Variants in DRC11 observed in about 807,000 individuals in gnomAD.
The protein encoded by DRC11 is IQ and AAA domain-containing protein 1.
the DRC11 span, among the ~76,000 whole-genome samples, chr2:236,471,399 C>T: frequency 2.6e-5 from 4 of 152,178 alleles, no homozygotes; most frequent in African/African-American, 9.6e-5. The surrounding 1 kb of genome is among the most constrained non-coding windows in gnomAD (Gnocchi z 4.6). Context: ...TTACTCTCCC[C>T]TCACAAGAAG....
the DRC11 span, chr2:236,419,068 AAT>A: frequency 1.2e-5 from 18 of 1,455,300 alleles, no homozygotes; most frequent in African/African-American, 7.2e-5. This position sits in a 1 kb window ranked among gnomAD's most constrained non-coding sequence, Gnocchi z 4.8. Context: ...CAGATTTGTA[AAT>A]ATCTCATTGA....
chr2:236,386,762 C>T, the DRC11 span, among the ~76,000 whole-genome samples: 26 of 149,514 alleles, frequency 1.7e-4, no homozygotes, highest in African/African-American at 6.4e-4. Context: ...GTTAGGGTGT[C>T]AATTTTGGAT....
the DRC11 span, among the ~76,000 whole-genome samples, chr2:236,386,497 T>C: frequency 6.6e-6 from 1 of 152,234 alleles, no homozygotes; most frequent in East Asian, 1.9e-4. Context: ...TTCTGTGGGA[T>C]CGGTGGTGAT....
chr2:236,491,246 GTATATATA>G, the DRC11 span, among the ~76,000 whole-genome samples: 10 of 23,750 alleles, frequency 4.2e-4, no homozygotes, highest in Non-Finnish European at 6.9e-4. Context: ...TATATACACA[GTATATATA>G]TATATATATA....
the DRC11 span, chr2:236,380,437 GT>G: frequency 1.4e-6 from 1 of 696,754 alleles, no homozygotes; most frequent in Non-Finnish European, 2.5e-6. This position sits in a 1 kb window ranked among gnomAD's most constrained non-coding sequence, Gnocchi z 4.9. Flanking sequence ...GGACTTAGAG[GT>G]GGCTCCCACC....
chr2:236,441,177 T>C, the DRC11 span: 1 of 1,168,822 alleles, frequency 8.6e-7, no homozygotes, highest in Non-Finnish European at 1.3e-6. Context: ...TCTCTTGTTA[T>C]ATACCCCATT....
At chr2:236,336,982 T>G in the DRC11 span, among the ~76,000 whole-genome samples, 8 of 152,218 alleles carry the variant, frequency 5.3e-5, no homozygotes, top group African/African-American at 1.9e-4. This position sits in a 1 kb window ranked among gnomAD's most constrained non-coding sequence, Gnocchi z 7.3. Flanking sequence ...CATGTGCTCA[T>G]GAGATAACCC....
the DRC11 span, chr2:236,441,241 C>T: frequency 2.2e-4 from 161 of 719,680 alleles, no homozygotes; most frequent in African/African-American, 2.6e-3. Flanking sequence ...GGAGGGTTCC[C>T]TGTAGATCAA....
chr2:236,482,898 C>T, the DRC11 span, among the ~76,000 whole-genome samples: 7 of 152,108 alleles, frequency 4.6e-5, no homozygotes, highest in African/African-American at 1.4e-4. This position sits in a 1 kb window ranked among gnomAD's most constrained non-coding sequence, Gnocchi z 4.5. Context: ...GGTAAAAGAA[C>T]ATAATATAAA....
the DRC11 span, among the ~76,000 whole-genome samples, chr2:236,339,640 C>T: frequency 2.6e-5 from 4 of 152,172 alleles, no homozygotes; most frequent in Non-Finnish European, 4.4e-5. Flanking sequence ...ATTCAACAGT[C>T]CCAGCATTAC....
At chr2:236,478,005 T>TTGTGTGTGTGTG in the DRC11 span, among the ~76,000 whole-genome samples, 27 of 146,898 alleles carry the variant, frequency 1.8e-4, no homozygotes, top group African/African-American at 6.7e-4. The surrounding 1 kb of genome is among the most constrained non-coding windows in gnomAD (Gnocchi z 5.9). Flanking sequence ...TTTTGTTGAT[T>TTGTGTGTGTGTG]TGTGTGTGTG....
At chr2:236,505,057 A>G in the DRC11 span, among the ~76,000 whole-genome samples, 1 of 152,260 alleles carries the variant, frequency 6.6e-6, no homozygotes, top group East Asian at 1.9e-4. Context: ...CTTTGCAAAC[A>G]GAAGGTAATA....
At chr2:236,357,026 TA>T in the DRC11 span, among the ~76,000 whole-genome samples, 6 of 109,994 alleles carry the variant, frequency 5.5e-5, no homozygotes, top group Non-Finnish European at 1.1e-4. Flanking sequence ...TATATATCTA[TA>T]TATTTATATA....
At chr2:236,387,894 A>C in the DRC11 span, among the ~76,000 whole-genome samples, 1 of 151,900 alleles carries the variant, frequency 6.6e-6, no homozygotes, top group East Asian at 1.9e-4. Flanking sequence ...TTGTCTGTAA[A>C]GTATTTTATT....
the DRC11 span, among the ~76,000 whole-genome samples, chr2:236,506,458 C>T: frequency 6.6e-6 from 1 of 152,208 alleles, no homozygotes; most frequent in African/African-American, 2.4e-5. This position sits in a 1 kb window ranked among gnomAD's most constrained non-coding sequence, Gnocchi z 4.9. Context: ...CATTTCCAAA[C>T]CCTGGCAAGC....
chr2:236,315,746 C>T, the DRC11 span, among the ~76,000 whole-genome samples: 6 of 152,220 alleles, frequency 3.9e-5, no homozygotes, highest in East Asian at 3.9e-4. The surrounding 1 kb of genome is among the most constrained non-coding windows in gnomAD (Gnocchi z 5.1). Flanking sequence ...AGCAAACTAA[C>T]GCAGGAACAG....
At chr2:236,405,954 A>G in the DRC11 span, among the ~76,000 whole-genome samples, 1 of 152,182 alleles carries the variant, frequency 6.6e-6, no homozygotes, top group Non-Finnish European at 1.5e-5. This position sits in a 1 kb window ranked among gnomAD's most constrained non-coding sequence, Gnocchi z 4.6. Context: ...GTCACACTTG[A>G]CCGTGGGTAA....
chr2:236,370,313 G>GA, the DRC11 span, among the ~76,000 whole-genome samples: 1 of 152,218 alleles, frequency 6.6e-6, no homozygotes, highest in Non-Finnish European at 1.5e-5. The surrounding 1 kb of genome is among the most constrained non-coding windows in gnomAD (Gnocchi z 5.5). Flanking sequence ...TGTTTACAGC[G>GA]ATTTAGTGAG....
chr2:236,440,229 T>C, the DRC11 span, among the ~76,000 whole-genome samples: 1 of 152,132 alleles, frequency 6.6e-6, no homozygotes, highest in Non-Finnish European at 1.5e-5. Flanking sequence ...AAAAGAAAGG[T>C]GTCCATGTGA....
Sources: allele counts gnomAD v4.1 joint callset (sites outside exome capture counted in the v4.1 genomes callset), GRCh38; gene constraint gnomAD v4.1.1; non-coding constraint Gnocchi (gnomAD v3.1); transcripts MANE v1.5; gene names NCBI Gene and HGNC (gene_info 2026-07-23, HGNC 2026-07-21).